Variants in KDM4C observed in about 807,000 individuals in gnomAD.
The protein encoded by KDM4C is lysine-specific demethylase 4C.
KDM4C carries 81 observed loss-of-function variants against 129.3 expected under a neutral mutation model. That is an observed-to-expected ratio of 0.63 (90% CI 0.52 to 0.75). KDM4C has a LOEUF of 0.75. Among genes scored for constraint, KDM4C ranks in the 30% least tolerant of loss-of-function variants. The probability of loss-of-function intolerance (pLI) is 0.00; values close to 1 mark genes in which losing one functional copy is unlikely to be tolerated. For synonymous variants in KDM4C, 573 were observed against 456.1 expected, an observed-to-expected ratio of 1.26 and a Z score of -3.26; for missense variants, 1,457 against 1,304.0, an observed-to-expected ratio of 1.12 and a Z score of -1.81.
At chr9:7,150,248 C>G (rs764318924) in intron 19 of KDM4C, among the ~76,000 whole-genome samples, 5 of 152,228 alleles carry the variant, frequency 3.3e-5, no homozygotes, top group Non-Finnish European at 5.9e-5. Context: ...TATTATTGCT[C>G]TCACCACAAC....
At chr9:6,765,444 C>T (rs1368413766) in intron 1 of KDM4C, among the ~76,000 whole-genome samples, 1 of 152,062 alleles carries the variant, frequency 6.6e-6, no homozygotes, top group East Asian at 1.9e-4. Context: ...GTCTTAATTC[C>T]CTGTATTTTT....
chr9:6,783,918 A>G (rs966101869), intron 1 of KDM4C, among the ~76,000 whole-genome samples: 6 of 152,140 alleles, frequency 3.9e-5, no homozygotes, highest in African/African-American at 1.2e-4. Context: ...TTTGTCTGTG[A>G]GAGGCTGGGG....
At chr9:6,806,695 G>A (rs973447882) in intron 3 of KDM4C, among the ~76,000 whole-genome samples, 2 of 152,020 alleles carry the variant, frequency 1.3e-5, no homozygotes, top group African/African-American at 4.8e-5. Context: ...TCTTACAAGA[G>A]TGCTCCCCTT....
chr9:6,792,896 C>G, intron 1 of KDM4C, 76 bp from the exon 2 acceptor site: 4 of 1,416,786 alleles, frequency 2.8e-6, no homozygotes, highest in Admixed American at 1.8e-5. Flanking sequence ...GCTGGGGGAG[C>G]TGACATACTA....
intron 15 of KDM4C, among the ~76,000 whole-genome samples, chr9:7,033,589 C>T (rs1383628150): frequency 2.0e-5 from 3 of 152,204 alleles, no homozygotes; most frequent in Non-Finnish European, 4.4e-5. Context: ...TAGGGAACTG[C>T]TGAGTGGCTA....
rs535614684 is a variant in KDM4C, at chr9:6,945,350, T to C, written c.922-35575T>C. On this transcript the variant is annotated intron_variant, in intron 8 of 21. Transcript: ENST00000381309. ...CCAATTTTACCTGTCACCCTGGTTG[T>C]GAAAATGTATATATAAATATTATTT... 2.6e-5 allele frequency among the ~76,000 whole-genome samples: 4 copies of C among 152,356 alleles called. No homozygotes were observed. In the East Asian group the frequency reaches 5.8e-4, roughly 22 times the overall value.
At chr9:6,970,578 C>T (rs1687967221) in intron 8 of KDM4C, among the ~76,000 whole-genome samples, 1 of 152,232 alleles carries the variant, frequency 6.6e-6, no homozygotes, top group Middle Eastern at 3.4e-3. Context: ...GTGGCATAGG[C>T]TTCATGATTT....
intron 8 of KDM4C, among the ~76,000 whole-genome samples, chr9:6,952,151 C>G (rs1019513398): frequency 6.6e-6 from 1 of 152,022 alleles, no homozygotes; most frequent in Non-Finnish European, 1.5e-5. Context: ...AATGCACCCC[C>G]TACAACCTGA....
chr9:7,082,130 T>A (rs1587520287), intron 17 of KDM4C, among the ~76,000 whole-genome samples: 1 of 151,820 alleles, frequency 6.6e-6, no homozygotes, highest in Non-Finnish European at 1.5e-5. Context: ...GGACAAAGAC[T>A]CTGACTTGTT....
At chr9:7,040,035 G>C (rs1330198329) in intron 15 of KDM4C, among the ~76,000 whole-genome samples, 2 of 152,004 alleles carry the variant, frequency 1.3e-5, no homozygotes, top group Non-Finnish European at 2.9e-5. Flanking sequence ...TCAATACTGG[G>C]AAATTTTTAG....
At position 7,033,288 on chromosome 9, in the gene KDM4C, C is replaced by T. The variant is rs1240557938; in HGVS notation, c.2260-13574C>T. Among the ~76,000 whole-genome samples, 7 of 152,168 alleles carry T rather than the reference C, an allele frequency of 4.6e-5. No homozygotes were observed. The South Asian group carries it at 1.4e-3, about 32-fold the overall frequency. The stretch of plus-strand genomic sequence containing the variant: ...CGGTTCTTGTCAAAGGCAGGACATT[C>T]ACCATTGGGCGGGTAGCCAAGTGGT... On this transcript the variant is annotated intron_variant, in intron 15 of 21. Transcript: ENST00000381309.
chr9:6,843,879 C>T (rs958976455), intron 4 of KDM4C, among the ~76,000 whole-genome samples: 2 of 152,132 alleles, frequency 1.3e-5, no homozygotes, highest in African/African-American at 4.8e-5. Flanking sequence ...TTTGAGACAT[C>T]TCACTCTGTT....
chr9:6,797,267 A>G (rs1588327712), intron 2 of KDM4C, among the ~76,000 whole-genome samples: 2 of 152,114 alleles, frequency 1.3e-5, no homozygotes, highest in African/African-American at 4.8e-5. Context: ...GATTACAGGC[A>G]TGAGCCACTG....
At chr9:7,067,340 A>G (rs1027669034) in intron 17 of KDM4C, among the ~76,000 whole-genome samples, 2 of 152,270 alleles carry the variant, frequency 1.3e-5, no homozygotes, top group Non-Finnish European at 2.9e-5. Context: ...GATAAAGCAC[A>G]ACAGTTTTTG....
intron 12 of KDM4C, among the ~76,000 whole-genome samples, chr9:6,991,646 T>C (rs996454822): frequency 1.3e-5 from 2 of 152,352 alleles, no homozygotes; most frequent in East Asian, 1.9e-4. Flanking sequence ...AGCTCAAGTT[T>C]CTTGTTTAAA....
At chr9:6,993,181 A>T (rs534592983) in intron 12 of KDM4C, among the ~76,000 whole-genome samples, 90 of 152,302 alleles carry the variant, frequency 5.9e-4, no homozygotes, top group Non-Finnish European at 9.7e-4. Flanking sequence ...GTGGTGGTGG[A>T]GAAGAGGGGG....
At chr9:6,819,020 G>C (rs941289373) in intron 4 of KDM4C, 26 of 152,218 alleles carry the variant, frequency 1.7e-4, no homozygotes, top group African/African-American at 6.0e-4. Context: ...GGGTCATCCA[G>C]ATCCTGGCCT....
At chr9:6,724,018 T>C (rs1480482817) in intron 1 of KDM4C, 1 of 152,164 alleles carries the variant, frequency 6.6e-6, no homozygotes, top group African/African-American at 2.4e-5. Context: ...GAATACATGA[T>C]TAAGAGCTTA....
intron 17 of KDM4C, among the ~76,000 whole-genome samples, chr9:7,085,841 C>CT (rs1362987622): frequency 6.6e-6 from 1 of 151,684 alleles, no homozygotes; most frequent in Non-Finnish European, 1.5e-5. Flanking sequence ...CTTTTTCTTT[C>CT]TTTTTTATTT....
Sources: allele counts gnomAD v4.1 joint callset (sites outside exome capture counted in the v4.1 genomes callset), GRCh38; gene constraint gnomAD v4.1.1; transcripts MANE v1.5; gene names NCBI Gene and HGNC (gene_info 2026-07-23, HGNC 2026-07-21).